Variants in NAV2 observed in about 807,000 individuals in gnomAD.
NAV2 encodes helicase, APC down-regulated 1.
A neutral mutation model predicts 223.2 loss-of-function variants in NAV2; 54 were observed. The ratio of observed to expected loss-of-function variants is 0.24; its 90% CI spans 0.19 to 0.30. The LOEUF is 0.30. Ranked by LOEUF, NAV2 falls within the 10% of genes least tolerant of loss-of-function variation. The probability of loss-of-function intolerance (pLI) is 1.00; values close to 1 mark genes in which losing one functional copy is unlikely to be tolerated. For synonymous variants in NAV2, 1,279 were observed against 1,239.3 expected, an observed-to-expected ratio of 1.03 and a Z score of -0.67; for missense variants, 2,806 against 3,147.5, an observed-to-expected ratio of 0.89 and a Z score of 2.60.
intron 1 of NAV2, among the ~76,000 whole-genome samples, chr11:19,778,534 CAAAA>C (rs1308478569): frequency 6.6e-6 from 1 of 151,818 alleles, no homozygotes; most frequent in East Asian, 1.9e-4. Context: ...ACAAAAAAAA[CAAAA>C]AGAAAGAAAG....
chr11:19,813,073 AAG>A (rs1408631669), intron 1 of NAV2, among the ~76,000 whole-genome samples: 2 of 152,168 alleles, frequency 1.3e-5, no homozygotes, highest in Admixed American at 1.3e-4. Flanking sequence ...AAGTTGAATG[AAG>A]GCTCAAACTC....
intron 1 of NAV2, among the ~76,000 whole-genome samples, chr11:19,356,424 A>C (rs754315832): frequency 1.6e-4 from 25 of 152,150 alleles, no homozygotes; most frequent in Non-Finnish European, 3.5e-4. Flanking sequence ...CCGCAGCATG[A>C]GGCACTGGGA....
intron 1 of NAV2, among the ~76,000 whole-genome samples, chr11:19,673,146 G>A (rs541873107): frequency 6.6e-5 from 10 of 152,336 alleles, no homozygotes; most frequent in Admixed American, 2.0e-4. Context: ...AGCATATGCT[G>A]AGGACCATTA....
At chr11:19,788,403 C>T (rs951679074) in intron 1 of NAV2, among the ~76,000 whole-genome samples, 3 of 152,210 alleles carry the variant, frequency 2.0e-5, no homozygotes, top group Non-Finnish European at 2.9e-5. Context: ...GAGTCCTCCT[C>T]TTCTGCATTC....
intron 1 of NAV2, among the ~76,000 whole-genome samples, chr11:19,396,428 G>T (rs1005143024): frequency 6.6e-6 from 1 of 152,152 alleles, no homozygotes; most frequent in Non-Finnish European, 1.5e-5. Flanking sequence ...ACCCATGAGG[G>T]TGTCTACACA....
chr11:19,357,774 T>C (rs1281632338), intron 1 of NAV2, among the ~76,000 whole-genome samples: 1 of 152,232 alleles, frequency 6.6e-6, no homozygotes, highest in African/African-American at 2.4e-5. Flanking sequence ...TTCCTTTATG[T>C]AGCAATCCTG....
chr11:19,940,944 G>A (rs1371905575), intron 8 of NAV2, among the ~76,000 whole-genome samples: 1 of 152,192 alleles, frequency 6.6e-6, no homozygotes, highest in East Asian at 1.9e-4. Context: ...TGAGAAGGGT[G>A]TGGAGTTCAG....
chr11:19,516,351 C>T (rs112818324), intron 1 of NAV2, among the ~76,000 whole-genome samples: 92 of 152,268 alleles, frequency 6.0e-4, no homozygotes, highest in African/African-American at 2.0e-3. Context: ...AACTCCCACC[C>T]CCAAAGTCCA....
intron 1 of NAV2, among the ~76,000 whole-genome samples, chr11:19,616,670 G>C (rs1225470967): frequency 6.6e-6 from 1 of 151,928 alleles, no homozygotes; most frequent in Non-Finnish European, 1.5e-5. Flanking sequence ...CTGAGACCAA[G>C]GAGCACAATG....
chr11:20,069,710 A>G (rs1243544050), intron 22 of NAV2, among the ~76,000 whole-genome samples: 2 of 152,206 alleles, frequency 1.3e-5, no homozygotes, highest in Non-Finnish European at 2.9e-5. Flanking sequence ...TTCAAGCCAG[A>G]CAGAAAGCAA....
chr11:19,821,763 A>G (rs1167892139), intron 1 of NAV2, among the ~76,000 whole-genome samples: 1 of 152,208 alleles, frequency 6.6e-6, no homozygotes, highest in Non-Finnish European at 1.5e-5. Context: ...CTGAGTGACA[A>G]GTGGCCAGCC....
chr11:19,411,176 C>T (rs34891498), intron 1 of NAV2, among the ~76,000 whole-genome samples: 5,761 of 152,204 alleles, frequency 0.038, 167 homozygotes, highest in Non-Finnish European at 0.054. Context: ...GAGAATCTGC[C>T]GCAACAAGGT....
chr11:19,616,528 G>T (rs2046799383), intron 1 of NAV2, among the ~76,000 whole-genome samples: 2 of 152,038 alleles, frequency 1.3e-5, no homozygotes, highest in South Asian at 4.2e-4. Context: ...GTTGGGAGAG[G>T]GAATGTTTAG....
At chr11:19,569,838 T>G (rs2045372094) in intron 1 of NAV2, among the ~76,000 whole-genome samples, 1 of 152,162 alleles carries the variant, frequency 6.6e-6, no homozygotes, top group Non-Finnish European at 1.5e-5. Flanking sequence ...AAATGGCTCA[T>G]GGAGGTTGTC....
chr11:19,573,374 T>C (rs945694187), intron 1 of NAV2, among the ~76,000 whole-genome samples: 4 of 152,192 alleles, frequency 2.6e-5, no homozygotes, highest in Non-Finnish European at 5.9e-5. Flanking sequence ...CTGGAAGGTC[T>C]TTGAAGTCAG....
intron 4 of NAV2, among the ~76,000 whole-genome samples, chr11:19,870,455 C>T (rs1003055565): frequency 7.2e-5 from 11 of 152,082 alleles, no homozygotes; most frequent in African/African-American, 2.4e-4. Context: ...GTGTGTTTGG[C>T]AGCAAGTGGC....
At chr11:19,985,547 A>AT (rs143240672) in intron 11 of NAV2, among the ~76,000 whole-genome samples, 2 of 150,054 alleles carry the variant, frequency 1.3e-5, no homozygotes, top group African/African-American at 2.5e-5. Flanking sequence ...TTGAGAAAAA[A>AT]AAGTTTTTTT....
chr11:19,866,463 G>A (rs777643646), intron 3 of NAV2, among the ~76,000 whole-genome samples: 27 of 152,086 alleles, frequency 1.8e-4, no homozygotes, highest in Non-Finnish European at 8.8e-5. Flanking sequence ...AGAAGTATTC[G>A]GGTAACTTAT....
chr11:19,374,581 C>T (rs1848580266), intron 1 of NAV2, among the ~76,000 whole-genome samples: 1 of 152,246 alleles, frequency 6.6e-6, no homozygotes, highest in South Asian at 2.1e-4. Context: ...TTTACATATC[C>T]TTTTAAAAAT....
Sources: gnomAD v4.1 joint callset for allele counts (sites outside exome capture counted in the v4.1 genomes callset) on GRCh38, gnomAD v4.1.1 for gene constraint, MANE v1.5 for transcripts, NCBI Gene and HGNC (gene_info 2026-07-23, HGNC 2026-07-21) for gene names.